MLLT3: variants seen among roughly 807,000 people sequenced by gnomAD.
The protein encoded by MLLT3 is protein AF-9.
A neutral mutation model predicts 53.2 loss-of-function variants in MLLT3; 4 were observed. That is an observed-to-expected ratio of 0.08 (90% CI 0.04 to 0.17). The LOEUF is 0.17. Ranked by LOEUF, MLLT3 falls within the 10% of genes least tolerant of loss-of-function variation. MLLT3 has a pLI of 1.00. For synonymous variants in MLLT3, 283 were observed against 230.6 expected (o/e 1.23, Z -2.06); for missense variants, 569 against 684.0 (o/e 0.83, Z 1.87).
At position 20,360,326 on chromosome 9, in the gene MLLT3, CTG is replaced by C. The variant is rs142821782; in HGVS notation, c.1431+414_1431+415del. ...TTAATGTCATTTACAGATAAGGAAA[CTG>C]AGAATCAAAAGCTAAAAGTTAATTT... On this transcript the variant is annotated intron_variant, in intron 8 of 10. Transcript: ENST00000380338. 6.7e-3 allele frequency among the ~76,000 whole-genome samples: 1,013 copies of C among 152,214 alleles called. 8 individuals carry two copies. The highest frequency in any genetic ancestry group is 0.024 in the African/African-American group (991 of 41,516).
At chr9:20,539,823 CAA>C (rs1207438958) in intron 2 of MLLT3, among the ~76,000 whole-genome samples, 5 of 152,144 alleles carry the variant, frequency 3.3e-5, no homozygotes, top group Non-Finnish European at 7.3e-5. Flanking sequence ...AGCATTAACT[CAA>C]AAGTCCAAGT....
chr9:20,413,990 G>T lies in MLLT3; in HGVS notation c.856C>A (p.Pro286Thr). ...GAGAGTTCTTCAGAATCTGAAATGGGCGGCCTTTTACTAGGAGCCTTCTTA... is the reference window on the plus strand; with the variant it reads ...GAGAGTTCTTCAGAATCTGAAATGGTCGGCCTTTTACTAGGAGCCTTCTTA... The part of the protein sequence containing the change: ...QDKKAPSKRP[P>T]ISDSEELSAK... The change falls in exon 5 of 11, where the codon CCC (proline) becomes ACC (threonine). Residue 286 changes from proline to threonine, a missense_variant. Physicochemically the swap from Pro to Thr is conservative, Grantham distance 38. Coordinates refer to ENST00000380338, the MANE Select transcript of MLLT3 (RefSeq NM_004529.4). 6.2e-7 allele frequency: 1 copy of T among 1,614,116 alleles called. No homozygotes were observed. Among genetic ancestry groups the T allele is most frequent in the Non-Finnish European group, 8.5e-7 (1 of 1,180,012 alleles).
At chr9:20,587,181 T>G (rs1202216771) in intron 2 of MLLT3, among the ~76,000 whole-genome samples, 10 of 123,486 alleles carry the variant, frequency 8.1e-5, no homozygotes. Flanking sequence ...AGCAGATAGC[T>G]AGGCCAAAAA....
At chr9:20,407,742 G>C (rs1822621944) in intron 5 of MLLT3, among the ~76,000 whole-genome samples, 1 of 152,070 alleles carries the variant, frequency 6.6e-6, no homozygotes, top group Non-Finnish European at 1.5e-5. Context: ...TGGAGCCTCA[G>C]CTTTTTCATC....
intron 5 of MLLT3, among the ~76,000 whole-genome samples, chr9:20,377,696 T>A (rs1461508157): frequency 6.6e-6 from 1 of 152,174 alleles, no homozygotes; most frequent in East Asian, 1.9e-4. Flanking sequence ...CTTTGGACTA[T>A]CTTACAGAAT....
In MLLT3 at chr9:20,413,967, G is replaced by T; in HGVS notation, c.879C>A (p.Leu293=). The T allele has an allele frequency of 1.2e-6, 2 of 1,613,600 alleles. No homozygotes were observed. Among genetic ancestry groups the T allele is most frequent in the Non-Finnish European group, 1.7e-6 (2 of 1,179,882 alleles). ...TACTCTTTTTCCTTTTTTTGGCTGA[G>T]AGTTCTTCAGAATCTGAAATGGGCG... ...KRPPISDSEE[L]SAKKRKKSSS... is the part of the protein sequence containing the mutation. Residue 293 remains leucine (L), a synonymous_variant, in exon 5 of 11, where the codon CTC becomes CTA. Transcript: ENST00000380338.
In MLLT3 at chr9:20,402,315, G is replaced by A. The variant is rs59454639; in HGVS notation, c.1125+11406C>T. On this transcript the variant is annotated intron_variant, in intron 5 of 10. Transcript: ENST00000380338. ...TGGGTTGAGGAATAAGGGAGCTTTT[G>A]AGATGTCCATCAGAGAAAGAAAGGA... Among the ~76,000 whole-genome samples the A allele has an allele frequency of 7.6e-3, 1,160 of 152,302 alleles. 17 individuals carry two copies. The highest frequency in any genetic ancestry group is 0.027 in the African/African-American group (1,112 of 41,558).
At chr9:20,540,766 C>T (rs1818610236) in intron 2 of MLLT3, among the ~76,000 whole-genome samples, 1 of 152,230 alleles carries the variant, frequency 6.6e-6, no homozygotes, top group Non-Finnish European at 1.5e-5. Flanking sequence ...TGGCTATTAA[C>T]ATTTCACTCC....
chr9:20,468,972 AT>A (rs1461850188), intron 2 of MLLT3, among the ~76,000 whole-genome samples: 1 of 152,218 alleles, frequency 6.6e-6, no homozygotes. Flanking sequence ...TGGTAAAGCC[AT>A]TTTTCTTAAA....
intron 4 of MLLT3, among the ~76,000 whole-genome samples, chr9:20,432,018 G>A (rs917399128): frequency 2.0e-5 from 3 of 152,126 alleles, no homozygotes; most frequent in Non-Finnish European, 4.4e-5. Context: ...GGAATCGAGT[G>A]AGAGGCATAT....
At chr9:20,552,408 T>C (rs543399040) in intron 2 of MLLT3, among the ~76,000 whole-genome samples, 9 of 152,202 alleles carry the variant, frequency 5.9e-5, no homozygotes, top group African/African-American at 2.2e-4. Context: ...AGTTTTTGTT[T>C]TTTAATTAAG....
chr9:20,605,468 C>T (rs1300495361), intron 2 of MLLT3, among the ~76,000 whole-genome samples: 2 of 151,938 alleles, frequency 1.3e-5, no homozygotes, highest in Non-Finnish European at 2.9e-5. Flanking sequence ...CAAAGTTATG[C>T]TTATTAGTCT....
intron 2 of MLLT3, among the ~76,000 whole-genome samples, chr9:20,603,560 C>A (rs542465988): frequency 6.6e-6 from 1 of 152,020 alleles, no homozygotes; most frequent in Non-Finnish European, 1.5e-5. Flanking sequence ...TATTTTGGCA[C>A]GTTTGAAGTA....
chr9:20,434,461 C>T (rs80315005), intron 4 of MLLT3, among the ~76,000 whole-genome samples: 6,180 of 152,172 alleles, frequency 0.041, 416 homozygotes, highest in African/African-American at 0.14. Flanking sequence ...AATCTATGCA[C>T]AGTGGACTAA....
intron 9 of MLLT3, among the ~76,000 whole-genome samples, chr9:20,354,002 T>C (rs1254895821): frequency 6.6e-6 from 1 of 152,084 alleles, no homozygotes; most frequent in East Asian, 1.9e-4. Context: ...GAGAAAAAAA[T>C]TCTAAGTTTG....
At chr9:20,507,483 A>G (rs1825410758) in intron 2 of MLLT3, among the ~76,000 whole-genome samples, 1 of 152,180 alleles carries the variant, frequency 6.6e-6, no homozygotes, top group Non-Finnish European at 1.5e-5. Context: ...CCTAGTTTAT[A>G]TAACATTTCT....
At chr9:20,437,992 T>C (rs2118829106) in intron 4 of MLLT3, among the ~76,000 whole-genome samples, 1 of 152,342 alleles carries the variant, frequency 6.6e-6, no homozygotes, top group Non-Finnish European at 1.5e-5. Context: ...AAAACAGTCT[T>C]ATCAAAAGTT....
chr9:20,524,414 A>C (rs1200306030), intron 2 of MLLT3, among the ~76,000 whole-genome samples: 1 of 152,176 alleles, frequency 6.6e-6, no homozygotes, highest in East Asian at 1.9e-4. Flanking sequence ...TGCATAGTAC[A>C]ATAGAATATT....
intron 5 of MLLT3, among the ~76,000 whole-genome samples, chr9:20,366,518 T>C (rs1463336605): frequency 1.3e-5 from 2 of 152,222 alleles, no homozygotes; most frequent in Non-Finnish European, 1.5e-5. Context: ...TGTGCATGTG[T>C]CTTTATAGTA....
Sources: allele counts gnomAD v4.1 joint callset (sites outside exome capture counted in the v4.1 genomes callset), GRCh38; gene constraint gnomAD v4.1.1; transcripts MANE v1.5; gene names NCBI Gene and HGNC (gene_info 2026-07-23, HGNC 2026-07-21).